ADAM9: variants seen among roughly 807,000 people sequenced by gnomAD.
The protein encoded by ADAM9 is ADAM metallopeptidase domain 9, also known as disintegrin and metalloproteinase domain-containing protein 9.
A neutral mutation model predicts 108.1 loss-of-function variants in ADAM9; 54 were observed. The ratio of observed to expected loss-of-function variants is 0.50; its 90% CI spans 0.40 to 0.63. The LOEUF (loss-of-function observed/expected upper bound fraction) is 0.63. Ranked by LOEUF, ADAM9 falls within the 20% of genes least tolerant of loss-of-function variation. The probability of loss-of-function intolerance (pLI) is 0.00; values close to 1 mark genes in which losing one functional copy is unlikely to be tolerated. For synonymous variants in ADAM9, 316 were observed against 336.0 expected (o/e 0.94, Z 0.65); for missense variants, 830 against 997.7 (o/e 0.83, Z 2.26).
intron 12 of ADAM9, among the ~76,000 whole-genome samples, chr8:39,048,616 G>A (rs1460067087): frequency 6.6e-6 from 1 of 152,100 alleles, no homozygotes; most frequent in East Asian, 1.9e-4. Flanking sequence ...TTCAAGTCCT[G>A]TGTTTCCGTA....
intron 1 of ADAM9, among the ~76,000 whole-genome samples, chr8:39,004,341 G>GTAGC (rs1836094130): frequency 6.6e-6 from 1 of 151,868 alleles, no homozygotes; most frequent in South Asian, 2.1e-4. Flanking sequence ...AGCCTCCTGA[G>GTAGC]TAGCTGGGAC....
At chr8:39,089,704 A>C (rs1458527056) in intron 18 of ADAM9, 2 of 324,324 alleles carry the variant, frequency 6.2e-6, no homozygotes, top group Non-Finnish European at 1.2e-5. Context: ...GAGGTCCACT[A>C]TGTACAGATA....
chr8:39,060,930 A>G (rs1434132976), intron 14 of ADAM9, among the ~76,000 whole-genome samples: 1 of 152,250 alleles, frequency 6.6e-6, no homozygotes, highest in Non-Finnish European at 1.5e-5. Context: ...ACAGCTGCAT[A>G]CCATGTATTA....
intron 1 of ADAM9, among the ~76,000 whole-genome samples, chr8:38,998,892 T>C (rs1835910108): frequency 6.6e-6 from 1 of 151,858 alleles, no homozygotes; most frequent in Non-Finnish European, 1.5e-5. Context: ...TTGGGAAGAG[T>C]CTTCTATGCT....
rs1836567339 is a variant in ADAM9 at position 39,017,324 on chromosome 8, T to C, written c.516T>C (p.Pro172=). The C allele has an allele frequency of 6.2e-6, 10 of 1,614,100 alleles. No homozygotes were observed. The East Asian group carries it at 2.2e-4, about 36-fold the overall frequency. Residue 172 remains proline (P), a synonymous_variant, in exon 6 of 22, where the codon CCT becomes CCC. Transcript: ENST00000487273. ...GAATGGATGATGTCTACAAAGAGCC[T>C]CTGAAATGTGGAGTTTCCAACAAGG... is the stretch of plus-strand genomic sequence containing the variant. ...IYRMDDVYKE[P]LKCGVSNKDI...
At chr8:39,096,492 AT>A (rs1283975978) in intron 20 of ADAM9, among the ~76,000 whole-genome samples, 2 of 152,036 alleles carry the variant, frequency 1.3e-5, no homozygotes, top group Non-Finnish European at 2.9e-5. Context: ...ACCTCTTTTT[AT>A]ATTGCTTATC....
At chr8:39,023,104 T>G (rs1836799214) in intron 8 of ADAM9, 52 bp from the exon 9 acceptor site, 23 of 1,506,840 alleles carry the variant, frequency 1.5e-5, no homozygotes, top group Non-Finnish European at 2.0e-5. Context: ...GTTAAAAGAT[T>G]TTTCTCACGT....
At chr8:39,020,314 A>G (rs2129433584) in intron 7 of ADAM9, among the ~76,000 whole-genome samples, 1 of 152,250 alleles carries the variant, frequency 6.6e-6, no homozygotes, top group East Asian at 1.9e-4. Flanking sequence ...CTCCAGATGT[A>G]TTTGTTATAT....
chr8:39,052,787 T>G (rs959748417), intron 12 of ADAM9, among the ~76,000 whole-genome samples: 3 of 152,208 alleles, frequency 2.0e-5, no homozygotes, highest in Non-Finnish European at 4.4e-5. Flanking sequence ...GTTTTTGAAC[T>G]GGCCAGCATT....
At chr8:39,051,714 CTT>C (rs1204956779) in intron 12 of ADAM9, among the ~76,000 whole-genome samples, 1 of 152,082 alleles carries the variant, frequency 6.6e-6, no homozygotes, top group African/African-American at 2.4e-5. Flanking sequence ...CTTAAAATCT[CTT>C]GTGTGCAGAT....
intron 1 of ADAM9, among the ~76,000 whole-genome samples, chr8:39,000,889 C>A (rs1835972021): frequency 6.6e-6 from 1 of 152,084 alleles, no homozygotes; most frequent in African/African-American, 2.4e-5. Context: ...TGTTACTAAA[C>A]CTTACTGGAA....
At chr8:39,080,661 G>A (rs1170357381) in intron 16 of ADAM9, among the ~76,000 whole-genome samples, 3 of 152,130 alleles carry the variant, frequency 2.0e-5, no homozygotes, top group African/African-American at 7.2e-5. Flanking sequence ...TGACAACTTG[G>A]TACTTCTTCA....
At chr8:39,019,040 C>T (rs956754523) in intron 7 of ADAM9, 122 bp downstream of exon 7, 10 of 1,034,136 alleles carry the variant, frequency 9.7e-6, no homozygotes, top group Admixed American at 8.3e-5. Flanking sequence ...GATTTTAAAA[C>T]TAAAATGGTT....
Position 38,996,990 on chromosome 8 carries a change from A to G in ADAM9, c.-74A>G, listed in dbSNP as rs571616096. 6.6e-5 allele frequency: 102 copies of G among 1,549,676 alleles called. 2 individuals carry two copies. The East Asian group carries it at 8.0e-4, about 12-fold the overall frequency. On this transcript the variant is annotated 5_prime_UTR_variant, in exon 1 of 22. Coordinates refer to ENST00000487273, the MANE Select transcript of ADAM9 (RefSeq NM_003816.3). ...TCCCGGCCAGACTTGGGGCCCCGGCAGGGTTGGAAAATGATGGAAGAGGCG... is the reference window on the plus strand; with the variant it reads ...TCCCGGCCAGACTTGGGGCCCCGGCGGGGTTGGAAAATGATGGAAGAGGCG...
chr8:39,097,633 T>A lies in ADAM9; in HGVS notation c.2299-4230T>A, dbSNP rs73604718. Among the ~76,000 whole-genome samples the A allele has an allele frequency of 9.0e-3, 1,376 of 152,172 alleles. 25 individuals carry two copies. Among genetic ancestry groups the A allele is most frequent in the African/African-American group, 0.028 (1,170 of 41,502 alleles). On this transcript the variant is annotated intron_variant, in intron 20 of 21. Coordinates refer to ENST00000487273, the MANE Select transcript of ADAM9 (RefSeq NM_003816.3). ...TGTCTAGTATTTTAAGTCTTTTTTTTAAAAAAATTCTACAATATAGATATG... is the reference window on the plus strand; with the variant it reads ...TGTCTAGTATTTTAAGTCTTTTTTTAAAAAAAATTCTACAATATAGATATG...
intron 11 of ADAM9, among the ~76,000 whole-genome samples, chr8:39,033,469 AT>A (rs543717397): frequency 1.2e-4 from 18 of 144,630 alleles, no homozygotes; most frequent in Admixed American, 2.8e-4. Context: ...CCTTCCTCAC[AT>A]TTTTTTTTTA....
chr8:39,046,188 C>T (rs533998030), intron 12 of ADAM9, among the ~76,000 whole-genome samples: 2 of 152,026 alleles, frequency 1.3e-5, no homozygotes, highest in Non-Finnish European at 2.9e-5. Flanking sequence ...TCTTTTTCCT[C>T]ACTTGTTAAG....
In ADAM9 at chr8:39,079,872, A is replaced by G. The variant is rs374053564; in HGVS notation, c.1881+2461A>G. 3.9e-5 allele frequency among the ~76,000 whole-genome samples: 6 copies of G among 152,352 alleles called. No individual in the cohort carries two copies. In the East Asian group the frequency reaches 5.8e-4, roughly 15 times the overall value. ...AGTGTTGGGATTACAGGCGTGAGCC[A>G]TGGCATCCGGCCTTAAAATATCATG... On this transcript the variant is annotated intron_variant, in intron 16 of 21. Transcript: ENST00000487273.
At chr8:39,009,646 C>T (rs776081783) in intron 2 of ADAM9, among the ~76,000 whole-genome samples, 3 of 152,072 alleles carry the variant, frequency 2.0e-5, no homozygotes, top group Non-Finnish European at 4.4e-5. Flanking sequence ...TACTTGGGAT[C>T]GTCATAGATA....
Sources: allele counts gnomAD v4.1 joint callset (sites outside exome capture counted in the v4.1 genomes callset), GRCh38; gene constraint gnomAD v4.1.1; transcripts MANE v1.5; gene names NCBI Gene and HGNC (gene_info 2026-07-23, HGNC 2026-07-21).